The following TBC1D19 variants were observed in gnomAD, a reference collection of about 807,000 sequenced individuals.
The protein encoded by TBC1D19 is TBC1 domain family member 19, also known as TBC1 domain family, member 19.
TBC1D19 carries 60 observed loss-of-function variants against 89.0 expected under a neutral mutation model. The ratio of observed to expected loss-of-function variants is 0.67; its 90% confidence interval spans 0.55 to 0.84. TBC1D19 has a LOEUF of 0.84. TBC1D19 is among the 40% of genes least tolerant of loss of function. TBC1D19 has a pLI of 0.00. For missense variants in TBC1D19, 500 were observed against 610.8 expected, an observed-to-expected ratio of 0.82 and a Z score of 1.91; for synonymous variants, 189 against 199.7, an observed-to-expected ratio of 0.95 and a Z score of 0.45.
intron 7 of TBC1D19, among the ~76,000 whole-genome samples, chr4:26,650,860 G>A (rs916749770): frequency 4.6e-5 from 7 of 152,162 alleles, no homozygotes; most frequent in African/African-American, 1.2e-4. Flanking sequence ...TCACATTTAA[G>A]TCTTTATAAT....
chr4:26,713,224 G>T (rs538199952), intron 13 of TBC1D19, among the ~76,000 whole-genome samples: 1 of 151,980 alleles, frequency 6.6e-6, no homozygotes, highest in South Asian at 2.1e-4. Context: ...AAAGTATTCA[G>T]TTGTAGTAAA....
intron 7 of TBC1D19, among the ~76,000 whole-genome samples, chr4:26,651,945 G>A (rs988413336): frequency 2.0e-5 from 3 of 152,052 alleles, no homozygotes; most frequent in Admixed American, 2.0e-4. Context: ...TTTGTCCAAC[G>A]CCTTTTCTGC....
chr4:26,590,796 G>GTTTTTTT lies in TBC1D19; in HGVS notation c.99+6529_99+6535dup, dbSNP rs869124166. Reference sequence around the variant, plus strand: ...GGTTCACTCTTTGTCTTGCAGGTCTGTTTTTTTTTTTTTTTTTTTTTTTTT... The same window carrying GTTTTTTT: ...GGTTCACTCTTTGTCTTGCAGGTCTGTTTTTTTTTTTTTTTTTTTTTTTTTTTTTTTT... On this transcript the variant is annotated intron_variant, in intron 1 of 20. Coordinates refer to ENST00000264866, the MANE Select transcript of TBC1D19 (RefSeq NM_018317.4). Among the ~76,000 whole-genome samples, 461 of 52,916 alleles carry GTTTTTTT rather than the reference G, an allele frequency of 8.7e-3. 71 individuals are homozygous for GTTTTTTT. Among genetic ancestry groups the GTTTTTTT allele is most frequent in the African/African-American group, 0.014 (167 of 12,012 alleles). The allele number at this position is 52,916 out of a possible 152,430, so 34.7% of individuals were successfully genotyped here.
chr4:26,772,907 A>T, the TBC1D19 span, among the ~76,000 whole-genome samples: 26 of 152,284 alleles, frequency 1.7e-4, no homozygotes, highest in East Asian at 4.4e-3. Flanking sequence ...GCTATTGTAA[A>T]TAGTGCTGCA....
intron 15 of TBC1D19, among the ~76,000 whole-genome samples, chr4:26,734,962 GTATATA>G (rs1279653447): frequency 6.7e-6 from 1 of 149,642 alleles, no homozygotes; most frequent in African/African-American, 2.5e-5. Flanking sequence ...ATATGTATAT[GTATATA>G]TGTATACACA....
the TBC1D19 span, among the ~76,000 whole-genome samples, chr4:26,850,539 T>TCAAAAAAA: frequency 6.9e-5 from 1 of 14,564 alleles, no homozygotes; most frequent in Non-Finnish European, 1.2e-4. Context: ...AGACCCTGTC[T>TCAAAAAAA]CAAAAAAAAA....
At chr4:26,738,798 C>A (rs1288724738) in intron 16 of TBC1D19, among the ~76,000 whole-genome samples, 1 of 151,950 alleles carries the variant, frequency 6.6e-6, no homozygotes, top group African/African-American at 2.4e-5. Context: ...CTGTTTATCC[C>A]AGAAAATTGA....
At chr4:26,590,872 A>G (rs1450650636) in intron 1 of TBC1D19, among the ~76,000 whole-genome samples, 1 of 122,944 alleles carries the variant, frequency 8.1e-6, no homozygotes, top group Non-Finnish European at 1.6e-5. Context: ...GCTGGTCTCA[A>G]GCTCCTGGGC....
chr4:26,695,301 T>A (rs1169566291), intron 13 of TBC1D19, among the ~76,000 whole-genome samples: 1 of 151,990 alleles, frequency 6.6e-6, no homozygotes, highest in Admixed American at 6.5e-5. Context: ...AAGAGAAGTT[T>A]AGAGAAAAAA....
chr4:26,790,193 T>G, the TBC1D19 span, among the ~76,000 whole-genome samples: 1 of 152,116 alleles, frequency 6.6e-6, no homozygotes, highest in Non-Finnish European at 1.5e-5. Context: ...AACAAAACTT[T>G]CTGGGTGGTC....
chr4:26,738,994 C>T (rs1718195547), intron 16 of TBC1D19, among the ~76,000 whole-genome samples: 1 of 152,026 alleles, frequency 6.6e-6, no homozygotes, highest in African/African-American at 2.4e-5. Flanking sequence ...TTGAAATTAC[C>T]CTGTAAGGCA....
chr4:26,678,134 C>T (rs1048965469), intron 11 of TBC1D19, among the ~76,000 whole-genome samples: 3 of 152,074 alleles, frequency 2.0e-5, no homozygotes, highest in South Asian at 2.1e-4. Context: ...TGTTGAATGG[C>T]GTTGACCAAA....
chr4:26,628,713 T>C (rs373420868), intron 4 of TBC1D19, among the ~76,000 whole-genome samples: 1 of 151,722 alleles, frequency 6.6e-6, no homozygotes, highest in Non-Finnish European at 1.5e-5. Flanking sequence ...TATACACCAA[T>C]AACAGACAAA....
intron 13 of TBC1D19, among the ~76,000 whole-genome samples, chr4:26,699,396 C>G (rs928242050): frequency 1.2e-4 from 18 of 152,294 alleles, no homozygotes; most frequent in African/African-American, 4.1e-4. Context: ...GAAATAGGAA[C>G]ACTTTTACAC....
At chr4:26,672,026 G>A (rs1363099422) in intron 9 of TBC1D19, 123 bp from the exon 10 acceptor site, 1 of 442,742 alleles carries the variant, frequency 2.3e-6, no homozygotes, top group Non-Finnish European at 3.6e-6. Context: ...TTAGTTTTCT[G>A]TAGAGCCATC....
At chr4:26,683,393 C>T (rs535136287) in intron 11 of TBC1D19, among the ~76,000 whole-genome samples, 1 of 152,032 alleles carries the variant, frequency 6.6e-6, no homozygotes, top group African/African-American at 2.4e-5. Context: ...TGCCTGGCAC[C>T]TGTAAGTACT....
intron 1 of TBC1D19, among the ~76,000 whole-genome samples, chr4:26,577,194 A>T (rs759820904): frequency 9.2e-5 from 14 of 152,118 alleles, no homozygotes; most frequent in Non-Finnish European, 1.9e-4. Context: ...TTAACTGAAC[A>T]TTCAGCTTGC....
intron 16 of TBC1D19, among the ~76,000 whole-genome samples, chr4:26,737,559 G>A (rs1718121023): frequency 6.6e-6 from 1 of 152,048 alleles, no homozygotes; most frequent in African/African-American, 2.4e-5. Flanking sequence ...TCACATTTAT[G>A]GTCATTTAAA....
the TBC1D19 span, among the ~76,000 whole-genome samples, chr4:26,815,243 A>G: frequency 6.6e-6 from 1 of 152,234 alleles, no homozygotes; most frequent in East Asian, 1.9e-4. Flanking sequence ...TTCACCAGAA[A>G]TATATTTAAC....
Sources: allele counts gnomAD v4.1 joint callset (sites outside exome capture counted in the v4.1 genomes callset), GRCh38; gene constraint gnomAD v4.1.1; transcripts MANE v1.5; gene names NCBI Gene and HGNC (gene_info 2026-07-23, HGNC 2026-07-21).